Variants in SGCZ observed in about 807,000 individuals in gnomAD.
The protein encoded by SGCZ is sarcoglycan zeta.
A neutral mutation model predicts 41.3 loss-of-function variants in SGCZ; 40 were observed. The ratio of observed to expected loss-of-function variants is 0.97; its 90% CI spans 0.75 to 1.26. The LOEUF (loss-of-function observed/expected upper bound fraction) is 1.26, where lower values mean the gene tolerates loss of function less well. Ranked by LOEUF, SGCZ falls within the 50% of genes most tolerant of loss-of-function variation. The pLI, the probability that SGCZ is intolerant of heterozygous loss-of-function variation, is 0.00. For missense variants in SGCZ, 552 were observed against 369.8 expected, an observed-to-expected ratio of 1.49 and a Z score of -4.04; for synonymous variants, 206 against 137.5, an observed-to-expected ratio of 1.50 and a Z score of -3.49.
chr8:14,689,562 A>G (rs975398340), intron 1 of SGCZ, among the ~76,000 whole-genome samples: 3 of 152,196 alleles, frequency 2.0e-5, no homozygotes, highest in Non-Finnish European at 4.4e-5. Flanking sequence ...TTTTGTTATT[A>G]CTAACATAAT....
intron 1 of SGCZ, among the ~76,000 whole-genome samples, chr8:14,591,493 C>G (rs1419845783): frequency 6.6e-6 from 1 of 151,862 alleles, no homozygotes. Flanking sequence ...CTGATCAAAA[C>G]CTAGAAAAGA....
At chr8:14,314,171 GTTTATT>G (rs1029196827) in intron 3 of SGCZ, among the ~76,000 whole-genome samples, 3 of 151,956 alleles carry the variant, frequency 2.0e-5, no homozygotes, top group African/African-American at 4.8e-5. Context: ...TTTTTTGTTT[GTTTATT>G]TTTAAGTCCA....
chr8:15,081,300 C>T (rs1246178924), intron 1 of SGCZ, among the ~76,000 whole-genome samples: 1 of 152,076 alleles, frequency 6.6e-6, no homozygotes, highest in Non-Finnish European at 1.5e-5. Context: ...GGAGTAATGT[C>T]ATTTATTTGC....
chr8:14,876,639 T>C (rs747470379), intron 1 of SGCZ, among the ~76,000 whole-genome samples: 8 of 152,196 alleles, frequency 5.3e-5, no homozygotes, highest in Non-Finnish European at 1.0e-4. Context: ...GAGGGTCACT[T>C]AAAGTAACTT....
At chr8:14,134,413 AGAT>A (rs1221132057) in intron 5 of SGCZ, among the ~76,000 whole-genome samples, 12 of 152,224 alleles carry the variant, frequency 7.9e-5, no homozygotes, top group African/African-American at 2.9e-4. Context: ...TGAAGGCTAA[AGAT>A]GACAGGTATG....
intron 2 of SGCZ, among the ~76,000 whole-genome samples, chr8:14,419,461 C>G (rs555481503): frequency 6.6e-6 from 1 of 151,700 alleles, no homozygotes; most frequent in Non-Finnish European, 1.5e-5. Flanking sequence ...CTTTTGCTAT[C>G]CTCTATGAGA....
At chr8:14,127,439 T>A (rs925836009) in intron 5 of SGCZ, among the ~76,000 whole-genome samples, 4 of 152,106 alleles carry the variant, frequency 2.6e-5, no homozygotes, top group African/African-American at 9.7e-5. Flanking sequence ...TTGTGATTTA[T>A]TTATTCATTT....
chr8:14,779,694 A>G (rs2130429412), intron 1 of SGCZ, among the ~76,000 whole-genome samples: 1 of 152,366 alleles, frequency 6.6e-6, no homozygotes, highest in South Asian at 2.1e-4. Context: ...TTAGAAAGCA[A>G]TGGGCTGAGC....
chr8:14,319,297 C>T (rs1296679989), intron 3 of SGCZ, among the ~76,000 whole-genome samples: 1 of 151,976 alleles, frequency 6.6e-6, no homozygotes, highest in Non-Finnish European at 1.5e-5. Flanking sequence ...CCTTGGATTT[C>T]TTCCGGCAAT....
At chr8:14,247,318 C>A (rs1799138063) in intron 3 of SGCZ, among the ~76,000 whole-genome samples, 1 of 152,156 alleles carries the variant, frequency 6.6e-6, no homozygotes, top group Non-Finnish European at 1.5e-5. Flanking sequence ...GAGTAGTCCC[C>A]ATCCTGAAGC....
chr8:15,003,721 A>T (rs111764944), intron 1 of SGCZ, among the ~76,000 whole-genome samples: 29 of 152,322 alleles, frequency 1.9e-4, no homozygotes, highest in African/African-American at 6.5e-4. Flanking sequence ...ATCAGGATTT[A>T]TGACAAAAAC....
chr8:14,402,565 C>T (rs11991898), intron 2 of SGCZ, among the ~76,000 whole-genome samples: 6,688 of 130,390 alleles, frequency 0.051, 684 homozygotes, highest in African/African-American at 0.2. Context: ...CCATTGCTTG[C>T]TTTTCTCAGG....
At chr8:14,244,059 A>G (rs1382299243) in intron 3 of SGCZ, among the ~76,000 whole-genome samples, 1 of 152,164 alleles carries the variant, frequency 6.6e-6, no homozygotes, top group Non-Finnish European at 1.5e-5. Flanking sequence ...AGCACATTAC[A>G]AGATCCAGGC....
intron 1 of SGCZ, among the ~76,000 whole-genome samples, chr8:14,693,354 C>A (rs1443753969): frequency 6.6e-6 from 1 of 150,926 alleles, no homozygotes; most frequent in Non-Finnish European, 1.5e-5. Flanking sequence ...TGCAATGGCA[C>A]GATCTCGGCT....
intron 2 of SGCZ, among the ~76,000 whole-genome samples, chr8:14,540,393 T>A (rs1219912461): frequency 6.6e-6 from 1 of 151,650 alleles, no homozygotes; most frequent in Non-Finnish European, 1.5e-5. Context: ...AATACAAACT[T>A]TCACCTGCCT....
At chr8:14,682,297 G>A (rs1808472933) in intron 1 of SGCZ, among the ~76,000 whole-genome samples, 2 of 152,164 alleles carry the variant, frequency 1.3e-5, no homozygotes, top group Non-Finnish European at 2.9e-5. Context: ...TATACTTTGA[G>A]TATGAAAAGC....
chr8:14,474,286 C>T (rs1465801602), intron 2 of SGCZ, among the ~76,000 whole-genome samples: 4 of 152,152 alleles, frequency 2.6e-5, no homozygotes, highest in African/African-American at 9.7e-5. Context: ...TATGCATATG[C>T]AAACATCCAA....
chr8:15,084,532 C>A (rs917651728), intron 1 of SGCZ, among the ~76,000 whole-genome samples: 1 of 152,092 alleles, frequency 6.6e-6, no homozygotes, highest in Non-Finnish European at 1.5e-5. Context: ...TGGCGGATAA[C>A]CTGAGGTCAA....
intron 7 of SGCZ, among the ~76,000 whole-genome samples, chr8:14,096,636 AT>A: frequency 6.6e-6 from 1 of 152,260 alleles, no homozygotes; most frequent in East Asian, 1.9e-4. Flanking sequence ...GTTAGGGAGG[AT>A]TCCCTCTTTT....
Sources: gnomAD v4.1 joint callset for allele counts (sites outside exome capture counted in the v4.1 genomes callset) on GRCh38, gnomAD v4.1.1 for gene constraint, MANE v1.5 for transcripts, NCBI Gene and HGNC (gene_info 2026-07-23, HGNC 2026-07-21) for gene names.